The following MAST4 variants were observed in gnomAD, a reference collection of about 807,000 sequenced individuals.
The protein encoded by MAST4 is microtubule associated serine/threonine kinase family member 4.
In MAST4, 89 loss-of-function variants were observed where a neutral mutation model predicts 162.7. The ratio of observed to expected loss-of-function variants is 0.55; its 90% CI spans 0.46 to 0.65. The LOEUF is 0.65. Among genes scored for constraint, MAST4 ranks in the 30% least tolerant of loss-of-function variants. The pLI is 0.00. For synonymous variants in MAST4, 1,479 were observed against 1,361.1 expected (o/e 1.09, Z -1.91); for missense variants, 3,153 against 3,374.0 (o/e 0.93, Z 1.62).
chr5:66,830,895 G>C (rs1437906352), intron 3 of MAST4, among the ~76,000 whole-genome samples: 1 of 152,132 alleles, frequency 6.6e-6, no homozygotes, highest in East Asian at 1.9e-4. Flanking sequence ...CTGCCAATGA[G>C]GTATACCTGT....
intron 4 of MAST4, among the ~76,000 whole-genome samples, chr5:66,937,578 A>G (rs2150091846): frequency 6.6e-6 from 1 of 152,238 alleles, no homozygotes; most frequent in South Asian, 2.1e-4. Flanking sequence ...AGCCATTACT[A>G]CACTATTTTT....
intron 4 of MAST4, among the ~76,000 whole-genome samples, chr5:66,924,036 CATATG>C (rs1554069023): frequency 2.6e-5 from 4 of 152,190 alleles, no homozygotes; most frequent in Non-Finnish European, 2.9e-5. Flanking sequence ...CAGTGAATGA[CATATG>C]ATAGGGTTTT....
chr5:67,120,934 T>C, intron 13 of MAST4, 83 bp from the exon 14 acceptor site: 1 of 979,172 alleles, frequency 1.0e-6, no homozygotes, highest in Middle Eastern at 2.2e-4. Flanking sequence ...TAACAGCATG[T>C]CCTTCAAATA....
chr5:66,692,835 A>G (rs1484925699), intron 1 of MAST4, among the ~76,000 whole-genome samples: 1 of 152,160 alleles, frequency 6.6e-6, no homozygotes. Context: ...ATATACTTCA[A>G]GGTATTCCAG....
intron 2 of MAST4, among the ~76,000 whole-genome samples, chr5:66,780,473 G>T (rs1402838652): frequency 6.6e-6 from 1 of 152,136 alleles, no homozygotes; most frequent in African/African-American, 2.4e-5. Context: ...CAGTGGGCTC[G>T]TGGTCTCGCT....
chr5:67,142,600 C>A (rs1770532022), intron 21 of MAST4, 67 bp downstream of exon 21: 1 of 1,040,278 alleles, frequency 9.6e-7, no homozygotes, highest in South Asian at 1.4e-5. Context: ...CAGATAGTAT[C>A]CCCGAACAGC....
At chr5:66,648,423 C>T (rs1209291521) in intron 1 of MAST4, among the ~76,000 whole-genome samples, 1 of 152,086 alleles carries the variant, frequency 6.6e-6, no homozygotes, top group African/African-American at 2.4e-5. Context: ...TGTTACGTCT[C>T]TTCCATAATT....
chr5:66,972,954 C>CT (rs928982071), intron 4 of MAST4, among the ~76,000 whole-genome samples: 11 of 152,084 alleles, frequency 7.2e-5, no homozygotes, highest in Non-Finnish European at 2.9e-5. Flanking sequence ...ACCCCTTCAA[C>CT]TTTTTTTTAA....
intron 1 of MAST4, among the ~76,000 whole-genome samples, chr5:66,706,381 A>G (rs1319542309): frequency 6.6e-6 from 1 of 152,070 alleles, no homozygotes; most frequent in Non-Finnish European, 1.5e-5. Flanking sequence ...CATTATTCAT[A>G]ATGCCATATG....
At chr5:66,630,438 T>TGGGGGGGTGATTTGCG (rs1197979242) in intron 1 of MAST4, among the ~76,000 whole-genome samples, 1 of 152,150 alleles carries the variant, frequency 6.6e-6, no homozygotes, top group Non-Finnish European at 1.5e-5. Context: ...GGAGGTGACT[T>TGGGGGGGTGATTTGCG]GGGTAGTATC....
intron 5 of MAST4, among the ~76,000 whole-genome samples, chr5:67,074,987 T>G (rs1761436504): frequency 1.3e-5 from 2 of 152,120 alleles, no homozygotes; most frequent in African/African-American, 4.8e-5. Flanking sequence ...CAGTTTTATG[T>G]GTAGCGTTTT....
chr5:66,969,109 T>A (rs541358611), intron 4 of MAST4, among the ~76,000 whole-genome samples: 1 of 152,326 alleles, frequency 6.6e-6, no homozygotes, highest in Non-Finnish European at 1.5e-5. Flanking sequence ...GAATTGTGAA[T>A]TGGGGGCTGC....
intron 1 of MAST4, among the ~76,000 whole-genome samples, chr5:66,617,764 G>A (rs916501278): frequency 1.3e-5 from 2 of 152,128 alleles, no homozygotes; most frequent in African/African-American, 4.8e-5. Flanking sequence ...GTACCCACTT[G>A]AGGAGCTTAC....
Position 67,151,287 on chromosome 5 carries a change from G to T in MAST4, c.3296-1350G>T, listed in dbSNP as rs1363993286. ...CTGGGAAGTCCAAGATCAAGGTGGC[G>T]ACAGTTTCAGCATCTGACAAGGGCT... On this transcript the variant is annotated intron_variant, in intron 24 of 28. Transcript: ENST00000403625. Among the ~76,000 whole-genome samples, 3 of 152,160 alleles carry T rather than the reference G, an allele frequency of 2.0e-5. No homozygotes were observed. The South Asian group carries it at 6.2e-4, about 32-fold the overall frequency.
chr5:66,838,962 T>C (rs1580600997), intron 3 of MAST4, among the ~76,000 whole-genome samples: 2 of 152,258 alleles, frequency 1.3e-5, no homozygotes, highest in East Asian at 3.9e-4. Context: ...CTGTCAACTA[T>C]TAATGAAGAA....
chr5:66,977,598 A>C (rs920184384), intron 4 of MAST4, among the ~76,000 whole-genome samples: 16 of 152,180 alleles, frequency 1.1e-4, no homozygotes, highest in African/African-American at 3.4e-4. Context: ...GTTTAGACCC[A>C]TAAATCCCTC....
At chr5:66,606,723 A>G (rs1053679180) in intron 1 of MAST4, among the ~76,000 whole-genome samples, 2 of 152,138 alleles carry the variant, frequency 1.3e-5, no homozygotes, top group Admixed American at 6.5e-5. Flanking sequence ...GGTGGAAACC[A>G]TGTCATATCA....
chr5:66,920,031 G>A (rs1458083884), intron 4 of MAST4, among the ~76,000 whole-genome samples: 1 of 150,164 alleles, frequency 6.7e-6, no homozygotes, highest in Non-Finnish European at 1.5e-5. Context: ...TTAATGATGT[G>A]TGGAAGTTGA....
At chr5:67,116,574 A>G (rs1766943409) in intron 12 of MAST4, among the ~76,000 whole-genome samples, 1 of 151,194 alleles carries the variant, frequency 6.6e-6, no homozygotes, top group Non-Finnish European at 1.5e-5. Flanking sequence ...TAATAAACAA[A>G]TTGCACCGCG....
Sources: allele counts gnomAD v4.1 joint callset (sites outside exome capture counted in the v4.1 genomes callset), GRCh38; gene constraint gnomAD v4.1.1; transcripts MANE v1.5; gene names NCBI Gene and HGNC (gene_info 2026-07-23, HGNC 2026-07-21).